IMMP2L: variants seen among roughly 807,000 people sequenced by gnomAD.
The protein encoded by IMMP2L is mitochondrial inner membrane protease subunit 2.
IMMP2L carries 18 observed loss-of-function variants against 19.3 expected under a neutral mutation model. The observed-to-expected ratio is 0.93, with a 90% CI of 0.64 to 1.38. The LOEUF (loss-of-function observed/expected upper bound fraction) is 1.38. Ranked by LOEUF, IMMP2L falls within the 40% of genes most tolerant of loss-of-function variation. The probability of loss-of-function intolerance (pLI) is 0.00; values close to 1 mark genes in which losing one functional copy is unlikely to be tolerated. For missense variants in IMMP2L, 233 were observed against 218.2 expected (o/e 1.07, Z -0.43); for synonymous variants, 76 against 73.0 (o/e 1.04, Z -0.21).
intron 2 of IMMP2L, among the ~76,000 whole-genome samples, chr7:111,505,797 A>AC (rs937079200): frequency 7.9e-5 from 12 of 151,988 alleles, no homozygotes; most frequent in African/African-American, 2.7e-4. Flanking sequence ...AGGAAGGGGA[A>AC]CATCACACAG....
chr7:111,463,099 C>G (rs919621694), intron 3 of IMMP2L, among the ~76,000 whole-genome samples: 10 of 152,064 alleles, frequency 6.6e-5, no homozygotes, highest in African/African-American at 2.4e-4. Context: ...ATGCCTTTCT[C>G]CTAGTTTCTG....
intron 3 of IMMP2L, among the ~76,000 whole-genome samples, chr7:111,065,000 G>GA (rs1794363549): frequency 6.6e-6 from 1 of 152,196 alleles, no homozygotes; most frequent in East Asian, 1.9e-4. Context: ...ACTCCACCAG[G>GA]AAAAAAATCC....
chr7:111,533,130 T>C (rs1377483709), intron 1 of IMMP2L, among the ~76,000 whole-genome samples: 2 of 152,058 alleles, frequency 1.3e-5, no homozygotes, highest in African/African-American at 4.8e-5. Context: ...ATAAAGCAGC[T>C]CATCCTGAGT....
At chr7:111,173,487 A>G (rs1204710016) in intron 3 of IMMP2L, among the ~76,000 whole-genome samples, 3 of 151,620 alleles carry the variant, frequency 2.0e-5, no homozygotes, top group Non-Finnish European at 3.0e-5. Context: ...TCTACCCAAT[A>G]AAGGAGAAAC....
intron 3 of IMMP2L, among the ~76,000 whole-genome samples, chr7:111,232,956 T>G (rs143895568): frequency 2.4e-4 from 37 of 152,208 alleles, no homozygotes; most frequent in Non-Finnish European, 5.0e-4. Context: ...ACTGGTACGA[T>G]GTACTCCCAA....
rs116340603 is a variant in IMMP2L, at chr7:111,429,598, T to C, written c.239+57640A>G. Among the ~76,000 whole-genome samples, 1,405 of 151,750 alleles carry C rather than the reference T, an allele frequency of 9.3e-3. 68 individuals are homozygous for C. Among genetic ancestry groups the C allele is most frequent in the African/African-American group, 0.033 (1,349 of 41,212 alleles). On this transcript the variant is annotated intron_variant, in intron 3 of 5. Transcript: ENST00000405709. ...AATTCCTGATTTCATATTTATGAAA[T>C]AGCATCCTTTCACAATAGCACAGAA...
intron 3 of IMMP2L, among the ~76,000 whole-genome samples, chr7:111,404,260 T>C (rs1833721605): frequency 1.3e-5 from 2 of 152,054 alleles, no homozygotes; most frequent in African/African-American, 4.8e-5. Context: ...CACAAGAAGC[T>C]GAAATATTAG....
intron 5 of IMMP2L, among the ~76,000 whole-genome samples, chr7:110,800,663 T>C (rs1801176502): frequency 6.6e-6 from 1 of 152,110 alleles, no homozygotes. Flanking sequence ...TTCCTTAAGA[T>C]GATGCTTTTA....
chr7:111,020,369 G>C (rs1826157181), intron 3 of IMMP2L, among the ~76,000 whole-genome samples: 1 of 152,092 alleles, frequency 6.6e-6, no homozygotes, highest in Non-Finnish European at 1.5e-5. Flanking sequence ...GAGTGACAGA[G>C]AGGGATTCCA....
intron 3 of IMMP2L, among the ~76,000 whole-genome samples, chr7:111,371,185 A>C (rs1244600341): frequency 6.6e-6 from 1 of 151,882 alleles, no homozygotes. Flanking sequence ...AAGTCTTACA[A>C]TCTTCCATGC....
At chr7:110,945,942 G>A (rs896253453) in intron 4 of IMMP2L, among the ~76,000 whole-genome samples, 1 of 152,130 alleles carries the variant, frequency 6.6e-6, no homozygotes, top group South Asian at 2.1e-4. Flanking sequence ...ACTTGAAGAC[G>A]ACTTTGAGAT....
chr7:111,238,505 A>G (rs2129628061), intron 3 of IMMP2L, among the ~76,000 whole-genome samples: 1 of 152,134 alleles, frequency 6.6e-6, no homozygotes, highest in Non-Finnish European at 1.5e-5. Flanking sequence ...AAAAGCATCA[A>G]ATACAAGGTT....
chr7:110,666,607 G>A (rs900493500), intron 5 of IMMP2L, among the ~76,000 whole-genome samples: 2 of 151,800 alleles, frequency 1.3e-5, no homozygotes, highest in Non-Finnish European at 2.9e-5. Context: ...TACTAGGTGT[G>A]CTCAGTGCTC....
chr7:111,086,077 T>C (rs891929343), intron 3 of IMMP2L, among the ~76,000 whole-genome samples: 3 of 151,872 alleles, frequency 2.0e-5, no homozygotes. Flanking sequence ...ATGCCCCATG[T>C]TTACCTTTGT....
At chr7:111,449,857 C>A (rs1041525599) in intron 3 of IMMP2L, among the ~76,000 whole-genome samples, 1 of 124,982 alleles carries the variant, frequency 8.0e-6, no homozygotes, top group African/African-American at 3.9e-5. Flanking sequence ...GCAACTTCAG[C>A]AAAGTCTCAG....
intron 2 of IMMP2L, among the ~76,000 whole-genome samples, chr7:111,516,692 CAA>C (rs1184981657): frequency 6.6e-6 from 1 of 152,058 alleles, no homozygotes; most frequent in African/African-American, 2.4e-5. Flanking sequence ...GCTATAAATA[CAA>C]AGTCTCTATT....
At chr7:110,723,216 T>C (rs1480147077) in intron 5 of IMMP2L, among the ~76,000 whole-genome samples, 2 of 152,196 alleles carry the variant, frequency 1.3e-5, no homozygotes, top group African/African-American at 4.8e-5. Flanking sequence ...GATTGGGATT[T>C]TGAAGTCTTC....
At chr7:111,117,416 C>A (rs962945304) in intron 3 of IMMP2L, among the ~76,000 whole-genome samples, 1 of 151,974 alleles carries the variant, frequency 6.6e-6, no homozygotes, top group African/African-American at 2.4e-5. Context: ...TAAACCTGGC[C>A]CATGTTTCTT....
chr7:111,356,038 C>T (rs1007376401), intron 3 of IMMP2L, among the ~76,000 whole-genome samples: 1 of 151,846 alleles, frequency 6.6e-6, no homozygotes, highest in East Asian at 1.9e-4. Context: ...GAAAATTAAA[C>T]TAATTTTCTA....
Sources: allele counts gnomAD v4.1 joint callset (sites outside exome capture counted in the v4.1 genomes callset), GRCh38; gene constraint gnomAD v4.1.1; transcripts MANE v1.5; gene names NCBI Gene and HGNC (gene_info 2026-07-23, HGNC 2026-07-21).